Variants in FILIP1L observed in about 807,000 individuals in gnomAD.
The protein encoded by FILIP1L is filamin A interacting protein 1 like.
FILIP1L carries 55 observed loss-of-function variants against 96.6 expected under a neutral mutation model. The ratio of observed to expected loss-of-function variants is 0.57; its 90% CI spans 0.46 to 0.71. The LOEUF (loss-of-function observed/expected upper bound fraction) is 0.71, where lower values mean the gene tolerates loss of function less well. FILIP1L is among the 30% of genes least tolerant of loss of function. FILIP1L has a pLI of 0.00. For missense variants in FILIP1L, 1,304 were observed against 1,321.2 expected (o/e 0.99, Z 0.20); for synonymous variants, 467 against 473.9 (o/e 0.99, Z 0.19).
intron 4 of FILIP1L, among the ~76,000 whole-genome samples, chr3:99,920,144 T>G (rs971211560): frequency 1.3e-5 from 2 of 152,224 alleles, no homozygotes; most frequent in Non-Finnish European, 2.9e-5. Context: ...TAACAATATT[T>G]CTTTCCTGCT....
intron 1 of FILIP1L, among the ~76,000 whole-genome samples, chr3:100,047,227 GTGT>G (rs1417395273): frequency 2.0e-5 from 3 of 152,174 alleles, no homozygotes; most frequent in Non-Finnish European, 4.4e-5. Flanking sequence ...TCGGAGGGAA[GTGT>G]TGTTATTTTC....
At chr3:99,950,246 T>C (rs1375023498) in intron 1 of FILIP1L, among the ~76,000 whole-genome samples, 4 of 152,214 alleles carry the variant, frequency 2.6e-5, no homozygotes, top group African/African-American at 9.6e-5. Flanking sequence ...ATGCTATGTA[T>C]CGGAAATAGA....
At chr3:99,962,615 A>G (rs567942486) in intron 1 of FILIP1L, among the ~76,000 whole-genome samples, 7 of 152,338 alleles carry the variant, frequency 4.6e-5, no homozygotes, top group Non-Finnish European at 1.0e-4. Flanking sequence ...ACACAGGATT[A>G]TAATTAATAA....
At chr3:100,102,523 T>G (rs572462951) in intron 1 of FILIP1L, among the ~76,000 whole-genome samples, 2 of 152,346 alleles carry the variant, frequency 1.3e-5, no homozygotes, top group East Asian at 3.9e-4. Flanking sequence ...ACTCCAGTAT[T>G]TTATCTGTAC....
intron 4 of FILIP1L, among the ~76,000 whole-genome samples, chr3:99,903,541 C>T (rs1413821464): frequency 2.6e-5 from 4 of 152,080 alleles, no homozygotes; most frequent in South Asian, 2.1e-4. Context: ...TGAGCCACCG[C>T]GCCCGGCCAT....
chr3:99,877,021 A>T (rs1705557513), intron 4 of FILIP1L, among the ~76,000 whole-genome samples: 1 of 152,238 alleles, frequency 6.6e-6, no homozygotes, highest in Non-Finnish European at 1.5e-5. Flanking sequence ...AAATTAGCCA[A>T]ATGTGATTGA....
intron 4 of FILIP1L, among the ~76,000 whole-genome samples, chr3:99,918,306 T>C (rs1438015223): frequency 2.0e-5 from 3 of 152,132 alleles, no homozygotes; most frequent in African/African-American, 4.8e-5. Context: ...AACTAAAGAT[T>C]TGAGGAATGG....
At chr3:99,990,733 C>T (rs569632706) in intron 1 of FILIP1L, among the ~76,000 whole-genome samples, 149 of 150,648 alleles carry the variant, frequency 9.9e-4, no homozygotes, top group Non-Finnish European at 1.5e-3. Flanking sequence ...CAAGTGCCCA[C>T]GGGAGGAAAA....
chr3:99,987,596 G>T (rs1297247505), intron 1 of FILIP1L, among the ~76,000 whole-genome samples: 3 of 151,380 alleles, frequency 2.0e-5, no homozygotes, highest in South Asian at 4.2e-4. Context: ...AACTAAGGGA[G>T]TTTGAACCCT....
At chr3:99,975,544 G>A (rs1276797340) in intron 1 of FILIP1L, among the ~76,000 whole-genome samples, 1 of 151,254 alleles carries the variant, frequency 6.6e-6, no homozygotes, top group African/African-American at 2.4e-5. Flanking sequence ...GTGAGCCGAG[G>A]TCACACCATT....
chr3:99,829,856 C>A lies in FILIP1L; in HGVS notation c.*558G>T, dbSNP rs1247546522. On this transcript the variant is annotated 3_prime_UTR_variant, in exon 6 of 6. Coordinates refer to ENST00000477258, the MANE Select transcript of FILIP1L (RefSeq NM_001387850.1). ...ACAAAGGATATATTCGGCTGTTATT[C>A]ACTTTTGTTATGCTTTTCCTCCTTT... 6.6e-6 allele frequency among the ~76,000 whole-genome samples: 1 copy of A among 152,156 alleles called. No homozygotes were observed. Among genetic ancestry groups the A allele is most frequent in the Non-Finnish European group, 1.5e-5 (1 of 68,036 alleles).
chr3:99,948,393 C>T (rs1407927885), intron 1 of FILIP1L, among the ~76,000 whole-genome samples: 1 of 151,862 alleles, frequency 6.6e-6, no homozygotes, highest in East Asian at 1.9e-4. Context: ...AAAAAATTAG[C>T]TCGGTAGGGT....
intron 4 of FILIP1L, among the ~76,000 whole-genome samples, chr3:99,857,870 A>C (rs1944047595): frequency 6.6e-6 from 1 of 152,228 alleles, no homozygotes; most frequent in Non-Finnish European, 1.5e-5. Context: ...GATGTTATGA[A>C]TATGGCAAGA....
chr3:99,989,779 A>G (rs1709459579), intron 1 of FILIP1L, among the ~76,000 whole-genome samples: 1 of 151,946 alleles, frequency 6.6e-6, no homozygotes, highest in African/African-American at 2.4e-5. Context: ...TAATATTAAA[A>G]GTTAGATATT....
intron 1 of FILIP1L, among the ~76,000 whole-genome samples, chr3:99,999,912 G>A (rs1709793353): frequency 6.6e-6 from 1 of 152,078 alleles, no homozygotes; most frequent in Non-Finnish European, 1.5e-5. Flanking sequence ...CCTCCATATT[G>A]GACTATGGGC....
intron 1 of FILIP1L, among the ~76,000 whole-genome samples, chr3:99,960,356 T>G (rs1708455302): frequency 6.6e-6 from 1 of 152,192 alleles, no homozygotes; most frequent in Non-Finnish European, 1.5e-5. Context: ...TGGCAGAACC[T>G]GGATGTCAGA....
At chr3:99,972,405 CCT>C (rs1294405857) in intron 1 of FILIP1L, among the ~76,000 whole-genome samples, 1 of 152,164 alleles carries the variant, frequency 6.6e-6, no homozygotes, top group Non-Finnish European at 1.5e-5. Context: ...CCGTGAGAAG[CCT>C]CTGTCTTGCA....
At chr3:100,014,891 C>CTTTTTTTTTTTTTTTTTTT (rs1710284139) in intron 1 of FILIP1L, among the ~76,000 whole-genome samples, 5 of 27,226 alleles carry the variant, frequency 1.8e-4, no homozygotes, top group Admixed American at 4.7e-4. Context: ...TTTTTTCTTT[C>CTTTTTTTTTTTTTTTTTTT]TTTCTTTTTT....
At chr3:99,914,237 A>T (rs1039089188) in intron 4 of FILIP1L, among the ~76,000 whole-genome samples, 1 of 152,180 alleles carries the variant, frequency 6.6e-6, no homozygotes, top group African/African-American at 2.4e-5. Context: ...TTGATATAGG[A>T]TATATGAAGG....
Sources: gnomAD v4.1 joint callset for allele counts (sites outside exome capture counted in the v4.1 genomes callset) on GRCh38, gnomAD v4.1.1 for gene constraint, MANE v1.5 for transcripts, NCBI Gene and HGNC (gene_info 2026-07-23, HGNC 2026-07-21) for gene names.